APOBEC3G: variants seen among roughly 807,000 people sequenced by gnomAD.
APOBEC3G encodes DNA dC->dU-editing enzyme APOBEC-3G.
Under a neutral mutation model 50.0 loss-of-function variants are expected in APOBEC3G, and 44 were observed. That is an observed-to-expected ratio of 0.88 (90% CI 0.69 to 1.13). The LOEUF is 1.13. Among genes scored for constraint, APOBEC3G ranks in the 50% most tolerant of loss-of-function variants. The pLI, the probability that APOBEC3G is intolerant of heterozygous loss-of-function variation, is 0.00. For synonymous variants in APOBEC3G, 156 were observed against 175.3 expected (o/e 0.89, Z 0.87); for missense variants, 469 against 492.0 (o/e 0.95, Z 0.44).
intron 4 of APOBEC3G, 65 bp downstream of exon 4, chr22:39,081,650 T>G: frequency 7.6e-7 from 1 of 1,318,970 alleles, no homozygotes; most frequent in Non-Finnish European, 1.1e-6. Context: ...TCTTGAGGCC[T>G]CCCCTCTGTT....
At chr22:39,077,042 C>G, upstream of APOBEC3G, 1 of 503,770 alleles carries the variant, frequency 2.0e-6, no homozygotes, top group South Asian at 2.3e-5. Context: ...ACCCACCTCC[C>G]GGGCGCTGGC....
intron 7 of APOBEC3G, 73 bp downstream of exon 7, chr22:39,087,199 C>A (rs1365896857): frequency 6.2e-7 from 1 of 1,608,532 alleles, no homozygotes; most frequent in East Asian, 2.2e-5. Flanking sequence ...GCCGTGCCTT[C>A]CCCTCTGCTC....
intron 7 of APOBEC3G, 98 bp downstream of exon 7, chr22:39,087,224 G>C: frequency 6.2e-7 from 1 of 1,605,412 alleles, no homozygotes; most frequent in East Asian, 2.2e-5. Flanking sequence ...CCTCCTCTGG[G>C]TTCCCTGCTC....
intron 4 of APOBEC3G, chr22:39,081,967 G>T (rs10427620): frequency 0.11 from 20,865 of 187,974 alleles, 3,016 homozygotes; most frequent in African/African-American, 0.37. Flanking sequence ...GAAGCTTTGA[G>T]CAACATCCTT....
chr22:39,079,230 T>A, intron 2 of APOBEC3G, 145 bp downstream of exon 2: 1 of 1,185,924 alleles, frequency 8.4e-7, no homozygotes, highest in East Asian at 2.6e-5. Context: ...GCCCTGACCT[T>A]CCTGCTGGAC....
At chr22:39,079,154 A>T in intron 2 of APOBEC3G, 69 bp downstream of exon 2, 1 of 1,547,594 alleles carries the variant, frequency 6.5e-7, no homozygotes, top group East Asian at 2.3e-5. Flanking sequence ...CCACGCACTG[A>T]TAAGTGAAGT....
At chr22:39,081,651 C>A in intron 4 of APOBEC3G, 66 bp downstream of exon 4, 1 of 1,321,554 alleles carries the variant, frequency 7.6e-7, no homozygotes. Flanking sequence ...CTTGAGGCCT[C>A]CCCTCTGTTC....
At chr22:39,078,047 G>A (rs1438995604) in intron 1 of APOBEC3G, among the ~76,000 whole-genome samples, 6 of 152,198 alleles carry the variant, frequency 3.9e-5, no homozygotes, top group African/African-American at 1.4e-4. Flanking sequence ...ATCGCCTGCG[G>A]TCAGGAGTTC....
chr22:39,081,145 C>T lies in APOBEC3G; in HGVS notation c.384C>T (p.Asp128=). Residue 128 remains aspartate, a synonymous_variant, in exon 3 of 8, where the codon GAC becomes GAT. Transcript: ENST00000407997. Reference sequence around the variant, plus strand: ...TTGCCCGCCTCTACTACTTCTGGGACCCAGATTACCAGGAGGCGCTTCGCA... The same window carrying T: ...TTGCCCGCCTCTACTACTTCTGGGATCCAGATTACCAGGAGGCGCTTCGCA... ...IFVARLYYFW[D]PDYQEALRSL... 1 of 1,614,212 alleles carries T rather than the reference C, an allele frequency of 6.2e-7. No individual in the cohort carries two copies. The highest frequency in any genetic ancestry group is 1.1e-5 in the South Asian group (1 of 91,088).
At position 39,077,983 on chromosome 22, in the gene APOBEC3G, G is replaced by T. The variant is rs531740480; in HGVS notation, c.17+605G>T. 1.1e-3 allele frequency among the ~76,000 whole-genome samples: 160 copies of T among 152,290 alleles called. 1 individual carries two copies. Among genetic ancestry groups the T allele is most frequent in the African/African-American group, 3.7e-3 (155 of 41,566 alleles). ...CCAGTAACATGGAATATAGTGGCCG[G>T]GTGCGGTGGCTCACACCTGTCATCC... is the stretch of plus-strand genomic sequence containing the variant. On this transcript the variant is annotated intron_variant, in intron 1 of 7. Transcript: ENST00000407997.
chr22:39,085,606 G>C (rs1316039642), intron 5 of APOBEC3G, among the ~76,000 whole-genome samples: 3 of 152,216 alleles, frequency 2.0e-5, no homozygotes, highest in Non-Finnish European at 4.4e-5. Flanking sequence ...TAAAAATCCG[G>C]TCAGGTGTGG....
intron 2 of APOBEC3G, chr22:39,080,512 A>C (rs1026693040): frequency 5.6e-6 from 1 of 178,138 alleles, no homozygotes; most frequent in Admixed American, 5.5e-5. Context: ...TGTTGCCAGA[A>C]GCTCAGGGGA....
chr22:39,081,402 G>A, intron 3 of APOBEC3G, 69 bp from the exon 4 acceptor site: 1 of 1,548,472 alleles, frequency 6.5e-7, no homozygotes, highest in Non-Finnish European at 8.9e-7. Context: ...ATGTCTGGGA[G>A]GGGAGGGTCC....
chr22:39,081,192 G>T lies in APOBEC3G; in HGVS notation c.431G>T (p.Gly144Val), dbSNP rs1569083892. The change falls in exon 3 of 8, where the codon GGT becomes GTT. Residue 144 changes from glycine to valine, a missense_variant. Physicochemically the swap from Gly to Val is moderately radical, Grantham distance 109. Coordinates refer to ENST00000407997, the MANE Select transcript of APOBEC3G (RefSeq NM_021822.4). The part of the protein sequence containing the change: ...ALRSLCQKRD[G>V]PRATMKIMNY... ...CGCAGCCTGTGTCAGAAAAGAGACG[G>T]TCCGCGTGCCACCATGAAGATCATG... 3.1e-6 allele frequency: 5 copies of T among 1,614,220 alleles called. No homozygotes were observed. Among genetic ancestry groups the T allele is most frequent in the Non-Finnish European group, 4.2e-6 (5 of 1,180,038 alleles).
chr22:39,078,801 C>T (rs1928287082), intron 1 of APOBEC3G, 131 bp from the exon 2 acceptor site: 8 of 1,354,508 alleles, frequency 5.9e-6, no homozygotes, highest in East Asian at 2.6e-5. Context: ...CAGTCTCCGC[C>T]GAAATTCTCA....
chr22:39,084,392 T>A (rs1474323529), intron 5 of APOBEC3G, among the ~76,000 whole-genome samples: 2 of 152,082 alleles, frequency 1.3e-5, no homozygotes, highest in Admixed American at 6.5e-5. Context: ...CCAGGTGTGG[T>A]GGCAGGCGCC....
chr22:39,083,355 G>A, intron 4 of APOBEC3G: 1 of 166,158 alleles, frequency 6.0e-6, no homozygotes, highest in Non-Finnish European at 1.3e-5. Flanking sequence ...GGGTGCCCCA[G>A]TGGGTCCACC....
Position 39,087,018 on chromosome 22 carries a change from G to C in APOBEC3G, c.1032G>C (p.Lys344Asn). Residue 344 changes from lysine (K) to asparagine (N), a missense_variant, in exon 7 of 8, where the codon AAG becomes AAC. Physicochemically the swap from Lys to Asn is moderately conservative, Grantham distance 94. Transcript: ENST00000407997. ...KISIMTYSEF[K>N]HCWDTFVDHQ... is the part of the protein sequence containing the mutation. Reference sequence around the variant, plus strand: ...TCCCCTGTCCCTTTTCAGAATTTAAGCACTGCTGGGACACCTTTGTGGACC... The same window carrying C: ...TCCCCTGTCCCTTTTCAGAATTTAACCACTGCTGGGACACCTTTGTGGACC... 1 of 1,604,916 alleles carries C rather than the reference G, an allele frequency of 6.2e-7. No homozygotes were observed. The highest frequency in any genetic ancestry group is 8.5e-7 in the Non-Finnish European group (1 of 1,174,208).
intron 2 of APOBEC3G, chr22:39,080,269 A>G: frequency 1.4e-6 from 1 of 708,732 alleles, no homozygotes; most frequent in Non-Finnish European, 1.8e-6. Context: ...GCCTGGGAGA[A>G]TGGATGCTAG....
Sources: gnomAD v4.1 joint callset for allele counts (sites outside exome capture counted in the v4.1 genomes callset) on GRCh38, gnomAD v4.1.1 for gene constraint, MANE v1.5 for transcripts, NCBI Gene and HGNC (gene_info 2026-07-23, HGNC 2026-07-21) for gene names.